Variants in TLK1 observed in about 807,000 individuals in gnomAD.
The protein encoded by TLK1 is serine/threonine-protein kinase tousled-like 1.
In TLK1, 24 loss-of-function variants were observed where a neutral mutation model predicts 105.3. The observed-to-expected ratio is 0.23, with a 90% confidence interval of 0.17 to 0.32. TLK1 has a LOEUF of 0.32. Among genes scored for constraint, TLK1 ranks in the 10% least tolerant of loss-of-function variants. The probability of loss-of-function intolerance (pLI) is 1.00; values close to 1 mark genes in which losing one functional copy is unlikely to be tolerated. For synonymous variants in TLK1, 321 were observed against 310.4 expected (o/e 1.03, Z -0.36); for missense variants, 558 against 910.5 (o/e 0.61, Z 4.98).
intron 1 of TLK1, among the ~76,000 whole-genome samples, chr2:171,209,269 G>A (rs1021857922): frequency 2.0e-5 from 3 of 152,188 alleles, no homozygotes. Context: ...ATATGGAACA[G>A]GGGTGGGATG....
intron 1 of TLK1, chr2:171,155,838 T>C (rs1208009314): frequency 6.6e-6 from 1 of 152,196 alleles, no homozygotes. Flanking sequence ...CCTCAATGTC[T>C]TCCTAATTTT....
At chr2:171,107,845 G>A (rs1401521653) in intron 2 of TLK1, among the ~76,000 whole-genome samples, 3 of 152,066 alleles carry the variant, frequency 2.0e-5, no homozygotes, top group East Asian at 3.9e-4. Flanking sequence ...AACTGCTTGA[G>A]CCCAGGAGTT....
rs1008484296 is a variant in TLK1 at position 170,992,761 on chromosome 2, T to C, written c.*1019A>G. On this transcript the variant is annotated 3_prime_UTR_variant, in exon 21 of 21. Transcript: ENST00000431350. The stretch of plus-strand genomic sequence containing the variant: ...TTTTTTAGCAAAGAAGCAACATCAT[T>C]TAGCAGCAATTAGAGTGCCTTCAAG... 3.3e-5 allele frequency: 5 copies of C among 152,556 alleles called. No individual in the cohort carries two copies. Among genetic ancestry groups the C allele is most frequent in the African/African-American group, 1.2e-4 (5 of 41,440 alleles). The allele number at this position is 152,556 out of a possible 1,614,324, so 9.5% of individuals were successfully genotyped here. A position where few individuals can be genotyped will look rare whatever the true frequency, so the allele number is the denominator to read the frequency against.
intron 14 of TLK1, among the ~76,000 whole-genome samples, chr2:171,008,655 T>C (rs1181659137): frequency 6.9e-6 from 1 of 145,618 alleles, no homozygotes; most frequent in Non-Finnish European, 1.6e-5. Context: ...TACAACTCTT[T>C]ACTTCTTGAC....
intron 18 of TLK1, among the ~76,000 whole-genome samples, chr2:171,000,000 G>A (rs889946300): frequency 1.3e-5 from 2 of 152,036 alleles, no homozygotes; most frequent in Admixed American, 1.3e-4. Context: ...GGCTCAAGTG[G>A]TCTTCCTGCT....
chr2:171,204,530 G>A (rs539298881), intron 1 of TLK1, among the ~76,000 whole-genome samples: 16 of 147,800 alleles, frequency 1.1e-4, no homozygotes, highest in African/African-American at 2.1e-4. Context: ...TGGTCAACTT[G>A]TGTCATTTTG....
chr2:171,178,644 C>T (rs948969745), intron 1 of TLK1, among the ~76,000 whole-genome samples: 11 of 152,188 alleles, frequency 7.2e-5, no homozygotes, highest in African/African-American at 2.7e-4. Context: ...CTGAAATGAA[C>T]TGAGAATCAG....
At chr2:170,997,485 C>T (rs931756303) in intron 19 of TLK1, among the ~76,000 whole-genome samples, 9 of 152,024 alleles carry the variant, frequency 5.9e-5, no homozygotes, top group South Asian at 2.1e-4. Context: ...CAGATAGTTA[C>T]TTCTTTTCTT....
At chr2:171,128,966 A>ATGTGTG (rs10609101) in intron 1 of TLK1, among the ~76,000 whole-genome samples, 3 of 150,520 alleles carry the variant, frequency 2.0e-5, no homozygotes, top group Non-Finnish European at 3.0e-5. Context: ...GAGGAAGAGT[A>ATGTGTG]TGTGTGTGTG....
At chr2:171,214,545 A>G (rs989729941) in intron 1 of TLK1, among the ~76,000 whole-genome samples, 1 of 152,166 alleles carries the variant, frequency 6.6e-6, no homozygotes, top group Admixed American at 6.5e-5. Context: ...TGGAGTGGGC[A>G]TCAGAGTCGC....
At chr2:170,997,593 C>A (rs1684126609) in intron 19 of TLK1, 119 bp downstream of exon 19, 2 of 515,774 alleles carry the variant, frequency 3.9e-6, no homozygotes, top group Non-Finnish European at 6.6e-6. Context: ...AGAGGAGAAG[C>A]CTGGCTTTCT....
chr2:171,141,997 G>C (rs1341667781), intron 1 of TLK1, among the ~76,000 whole-genome samples: 2 of 152,120 alleles, frequency 1.3e-5, no homozygotes, highest in Non-Finnish European at 2.9e-5. Flanking sequence ...TCTGGCAATA[G>C]TATGTAATTC....
At chr2:171,090,206 AATAAC>A (rs1689167570) in intron 2 of TLK1, among the ~76,000 whole-genome samples, 1 of 152,122 alleles carries the variant, frequency 6.6e-6, no homozygotes, top group South Asian at 2.1e-4. Context: ...ATAAAGATTT[AATAAC>A]ATATTTATAT....
intron 1 of TLK1, among the ~76,000 whole-genome samples, chr2:171,135,584 T>C (rs1475986450): frequency 6.6e-6 from 1 of 151,918 alleles, no homozygotes; most frequent in Admixed American, 6.6e-5. Context: ...GTGGATCACC[T>C]GAGGTCAGGA....
In TLK1 at chr2:170,991,897, G is replaced by C. The variant is rs1387976988; in HGVS notation, c.*1883C>G. 1.9e-5 allele frequency: 2 copies of C among 105,584 alleles called. No homozygotes were observed. The allele number at this position is 105,584 out of a possible 1,614,324, so 6.5% of individuals were successfully genotyped here. A position where few individuals can be genotyped will look rare whatever the true frequency, so the allele number is the denominator to read the frequency against. Reference sequence around the variant, plus strand: ...AATGCTAAGATTTCATTACCATGTAGTATTTTTTTTTTAATAGGATTTCTC... The same window carrying C: ...AATGCTAAGATTTCATTACCATGTACTATTTTTTTTTTAATAGGATTTCTC... On this transcript the variant is annotated 3_prime_UTR_variant, in exon 21 of 21. Coordinates refer to ENST00000431350, the MANE Select transcript of TLK1 (RefSeq NM_012290.5).
chr2:171,003,156 C>A (rs1684468857), intron 18 of TLK1, among the ~76,000 whole-genome samples: 1 of 151,312 alleles, frequency 6.6e-6, no homozygotes. Context: ...TACCTGTGGT[C>A]CCGGCTGCTC....
intron 1 of TLK1, among the ~76,000 whole-genome samples, chr2:171,166,141 A>G (rs1248570947): frequency 1.3e-5 from 2 of 152,250 alleles, no homozygotes; most frequent in African/African-American, 4.8e-5. Context: ...GCTTCTCCCC[A>G]TCAGAGCCAA....
chr2:171,095,531 T>C (rs1689417314), intron 2 of TLK1, among the ~76,000 whole-genome samples: 1 of 152,116 alleles, frequency 6.6e-6, no homozygotes, highest in African/African-American at 2.4e-5. Flanking sequence ...GACAAATTCC[T>C]AGAAAGACAC....
intron 1 of TLK1, among the ~76,000 whole-genome samples, chr2:171,149,765 A>C (rs1299915268): frequency 6.6e-6 from 1 of 151,960 alleles, no homozygotes; most frequent in Non-Finnish European, 1.5e-5. Flanking sequence ...AATCAGCAGG[A>C]TATGGTGGCG....
Sources: gnomAD v4.1 joint callset for allele counts (sites outside exome capture counted in the v4.1 genomes callset) on GRCh38, gnomAD v4.1.1 for gene constraint, MANE v1.5 for transcripts, NCBI Gene and HGNC (gene_info 2026-07-23, HGNC 2026-07-21) for gene names.